The following SHISA9 variants were observed in gnomAD, a reference collection of about 807,000 sequenced individuals.
SHISA9 encodes the protein protein shisa-9.
Under a neutral mutation model 38.0 loss-of-function variants are expected in SHISA9, and 13 were observed. The ratio of observed to expected loss-of-function variants is 0.34; its 90% CI spans 0.22 to 0.54. SHISA9 has a LOEUF of 0.54. SHISA9 is among the 20% of genes least tolerant of loss of function. SHISA9 has a pLI of 0.91. For missense variants in SHISA9, 538 were observed against 575.8 expected (o/e 0.93, Z 0.67); for synonymous variants, 275 against 242.0 (o/e 1.14, Z -1.27).
chr16:13,247,176 C>T, the SHISA9 span, among the ~76,000 whole-genome samples: 1 of 151,996 alleles, frequency 6.6e-6, no homozygotes, highest in African/African-American at 2.4e-5. Flanking sequence ...TGTAAACCAT[C>T]AGATCTCTTG....
intron 2 of SHISA9, among the ~76,000 whole-genome samples, chr16:13,119,058 G>A (rs1043761459): frequency 6.6e-6 from 1 of 151,782 alleles, no homozygotes; most frequent in African/African-American, 2.4e-5. Flanking sequence ...AGTAGAGATG[G>A]AGTTTCACCT....
the SHISA9 span, among the ~76,000 whole-genome samples, chr16:13,545,241 T>C: frequency 6.6e-6 from 1 of 152,230 alleles, no homozygotes; most frequent in African/African-American, 2.4e-5. Flanking sequence ...GCTAGAATTC[T>C]ATTCAAGGTC....
chr16:13,216,631 T>C (rs1409402721), intron 4 of SHISA9, among the ~76,000 whole-genome samples: 2 of 152,042 alleles, frequency 1.3e-5, no homozygotes, highest in Admixed American at 6.6e-5. Flanking sequence ...GGAACCTACT[T>C]TGGGAACATA....
At chr16:13,146,344 G>T (rs2050447297) in intron 2 of SHISA9, among the ~76,000 whole-genome samples, 1 of 152,152 alleles carries the variant, frequency 6.6e-6, no homozygotes, top group Non-Finnish European at 1.5e-5. Context: ...GAGGAAGTTA[G>T]GTGCATAGCT....
chr16:13,030,641 G>C (rs2072979763), intron 2 of SHISA9, among the ~76,000 whole-genome samples: 1 of 152,182 alleles, frequency 6.6e-6, no homozygotes, highest in Non-Finnish European at 1.5e-5. Flanking sequence ...TTCTGCTCTT[G>C]ACTAGAATTA....
downstream of SHISA9, among the ~76,000 whole-genome samples, chr16:13,244,764 C>G (rs558188870): frequency 1.8e-4 from 28 of 152,272 alleles, no homozygotes; most frequent in African/African-American, 6.5e-4. Context: ...TCAACTAATG[C>G]AATAAATAAC....
chr16:12,909,148 A>G (rs1311594958), intron 1 of SHISA9: 5 of 985,762 alleles, frequency 5.1e-6, no homozygotes, highest in Admixed American at 6.1e-5. Context: ...AAAAGTCTTA[A>G]TTTATTTTTC....
the SHISA9 span, among the ~76,000 whole-genome samples, chr16:13,424,260 G>A: frequency 2.6e-5 from 4 of 152,192 alleles, no homozygotes; most frequent in African/African-American, 9.7e-5. Flanking sequence ...GCTCCGCATT[G>A]AGCTGGGCTC....
the SHISA9 span, among the ~76,000 whole-genome samples, chr16:13,480,133 G>T: frequency 6.6e-6 from 1 of 152,286 alleles, no homozygotes; most frequent in Admixed American, 6.5e-5. Flanking sequence ...TGCTTGGTGT[G>T]CGGTGTAGTG....
At chr16:13,303,873 A>T in the SHISA9 span, among the ~76,000 whole-genome samples, 3 of 152,168 alleles carry the variant, frequency 2.0e-5, no homozygotes, top group Admixed American at 1.3e-4. Context: ...TTGTCCCTCA[A>T]TAAATGCATT....
intron 4 of SHISA9, among the ~76,000 whole-genome samples, chr16:13,227,962 T>G (rs1189839239): frequency 6.6e-6 from 1 of 152,224 alleles, no homozygotes; most frequent in Admixed American, 6.5e-5. Flanking sequence ...ATCCAGGGCT[T>G]CTTTCTTAAG....
chr16:13,357,733 T>C, the SHISA9 span, among the ~76,000 whole-genome samples: 4 of 150,252 alleles, frequency 2.7e-5, no homozygotes, highest in Non-Finnish European at 5.9e-5. Context: ...TAAAGGAAAA[T>C]TACAGTCAAA....
At chr16:13,369,173 G>T in the SHISA9 span, among the ~76,000 whole-genome samples, 6 of 151,958 alleles carry the variant, frequency 3.9e-5, no homozygotes, top group African/African-American at 1.5e-4. Flanking sequence ...TTTTGAAAGC[G>T]TACAAAATAG....
chr16:13,278,864 A>C, the SHISA9 span, among the ~76,000 whole-genome samples: 1 of 151,894 alleles, frequency 6.6e-6, no homozygotes, highest in Admixed American at 6.6e-5. Context: ...TTCAAAGAAC[A>C]AGATTTTTGT....
chr16:12,931,150 G>A (rs149117859), intron 2 of SHISA9, among the ~76,000 whole-genome samples: 23 of 152,290 alleles, frequency 1.5e-4, no homozygotes, highest in Admixed American at 2.6e-4. Context: ...GTAAAAGTAC[G>A]GGAGGAAAGT....
intron 2 of SHISA9, among the ~76,000 whole-genome samples, chr16:12,969,294 A>G (rs1223147112): frequency 6.6e-6 from 1 of 151,206 alleles, no homozygotes; most frequent in African/African-American, 2.4e-5. Context: ...CCCTGGGTGG[A>G]GGGTGGTTAA....
intron 2 of SHISA9, among the ~76,000 whole-genome samples, chr16:13,139,037 A>G (rs1265656608): frequency 6.6e-6 from 1 of 152,178 alleles, no homozygotes; most frequent in Non-Finnish European, 1.5e-5. Context: ...CTAAGTTGCG[A>G]ATTAGAGGAA....
chr16:13,122,644 G>A (rs1003406367), intron 2 of SHISA9, among the ~76,000 whole-genome samples: 1 of 152,308 alleles, frequency 6.6e-6, no homozygotes, highest in Admixed American at 6.5e-5. Flanking sequence ...AGGGGGAGAA[G>A]GACATTGACA....
the SHISA9 span, chr16:13,562,882 C>T: frequency 1.3e-5 from 2 of 150,062 alleles, no homozygotes; most frequent in African/African-American, 2.5e-5. Flanking sequence ...ACTGAAAGCT[C>T]GATAGGGAAA....
Sources: allele counts gnomAD v4.1 joint callset (sites outside exome capture counted in the v4.1 genomes callset), GRCh38; gene constraint gnomAD v4.1.1; transcripts MANE v1.5; gene names NCBI Gene and HGNC (gene_info 2026-07-23, HGNC 2026-07-21).